The following NLRP8 variants were observed in gnomAD, a reference collection of about 807,000 sequenced individuals.
NLRP8 encodes NLR family pyrin domain containing 8, also known as NACHT, LRR and PYD domains-containing protein 8.
NLRP8 carries 86 observed loss-of-function variants against 88.7 expected under a neutral mutation model. The ratio of observed to expected loss-of-function variants is 0.97; its 90% CI spans 0.81 to 1.16. NLRP8 has a LOEUF of 1.16. Among genes scored for constraint, NLRP8 ranks in the 50% most tolerant of loss-of-function variants. The probability of loss-of-function intolerance (pLI) is 0.00; values close to 1 mark genes in which losing one functional copy is unlikely to be tolerated. For missense variants in NLRP8, 1,342 were observed against 1,286.5 expected (o/e 1.04, Z -0.66); for synonymous variants, 504 against 494.6 (o/e 1.02, Z -0.25).
rs306475 is a variant in NLRP8, at chr19:55,979,412, C to G, written c.2895C>G (p.Phe965Leu). 4.3e-6 allele frequency: 7 copies of G among 1,613,706 alleles called. No individual in the cohort carries two copies. The highest frequency in any genetic ancestry group is 3.3e-5 in the Admixed American group (2 of 60,008). The change falls in exon 9 of 10, where the codon TTC (phenylalanine) becomes TTG (leucine). Residue 965 changes from phenylalanine to leucine, a missense_variant. Coordinates refer to ENST00000291971, the MANE Select transcript of NLRP8 (RefSeq NM_176811.2). ...GTCACAGGCTGGAAAACTGCCTGTT[C>G]ACCTCCATCTGCTGCCAGGCCATGG... is the stretch of plus-strand genomic sequence containing the variant.
At chr19:55,953,792 CTTTTTTTTTTTTTT>C (rs35767678) in intron 2 of NLRP8, among the ~76,000 whole-genome samples, 3 of 55,222 alleles carry the variant, frequency 5.4e-5, no homozygotes, top group Non-Finnish European at 9.5e-5. Flanking sequence ...TGTGCCTGGC[CTTTTTTTTTTTTTT>C]TTTTTTTTTT....
chr19:55,955,977 A>G lies in NLRP8; in HGVS notation c.1919A>G (p.Lys640Arg), dbSNP rs148336031. 198 of 1,614,174 alleles carry G rather than the reference A, an allele frequency of 1.2e-4. No homozygotes were observed. The highest frequency in any genetic ancestry group is 1.6e-4 in the Middle Eastern group (1 of 6,062). Residue 640 changes from lysine to arginine, a missense_variant, in exon 3 of 10, where the codon AAA (lysine) becomes AGA (arginine). Lys to Arg is a conservative substitution (Grantham distance 26). Coordinates refer to ENST00000291971, the MANE Select transcript of NLRP8 (RefSeq NM_176811.2). The stretch of plus-strand genomic sequence containing the variant: ...GTTGTCTTGAGAATTGGCAACAACA[A>G]AGAAGTTCAAGTGTCTGCTTTTTGC...
chr19:55,953,866 A>C (rs1027590291), intron 2 of NLRP8, among the ~76,000 whole-genome samples: 1 of 140,480 alleles, frequency 7.1e-6, no homozygotes, highest in Non-Finnish European at 1.5e-5. Flanking sequence ...CAGTGGCGCA[A>C]TCTTGGCTCA....
At chr19:55,950,130 G>T (rs1402583416) in intron 1 of NLRP8, among the ~76,000 whole-genome samples, 1 of 151,956 alleles carries the variant, frequency 6.6e-6, no homozygotes, top group African/African-American at 2.4e-5. Flanking sequence ...ACACAGAGAG[G>T]CCAGGCACGG....
rs199475840 is a variant in NLRP8 at position 55,962,194 on chromosome 19, G to T, written c.2170G>T (p.Ala724Ser). The T allele has an allele frequency of 9.9e-6, 16 of 1,613,982 alleles. No individual in the cohort carries two copies. Among genetic ancestry groups the T allele is most frequent in the African/African-American group, 2.7e-5 (2 of 74,922 alleles). Reference sequence around the variant, plus strand: ...GGGGCCTCCTTTTTTGAAGGCTCTCGCGGCCGCACTGAGGCACCCTCAGTG... The same window carrying T: ...GGGGCCTCCTTTTTTGAAGGCTCTCTCGGCCGCACTGAGGCACCCTCAGTG... Residue 724 changes from alanine (A) to serine (S), a missense_variant, in exon 4 of 10, where the codon GCG becomes TCG. By Grantham distance (99) the Ala-to-Ser change is moderately conservative (BLOSUM62 1). Transcript: ENST00000291971.
At chr19:55,952,870 T>G (rs1319575903) in intron 2 of NLRP8, among the ~76,000 whole-genome samples, 1 of 151,858 alleles carries the variant, frequency 6.6e-6, no homozygotes, top group Non-Finnish European at 1.5e-5. Context: ...AGGGTTGCAG[T>G]GAGGTGAGAT....
At chr19:55,966,927 T>C (rs774660989) in intron 5 of NLRP8, among the ~76,000 whole-genome samples, 9 of 152,248 alleles carry the variant, frequency 5.9e-5, no homozygotes, top group Non-Finnish European at 1.3e-4. Context: ...TTTCTAACTT[T>C]TTATTTTAAT....
chr19:55,987,978 CA>C lies in NLRP8; in HGVS notation c.*66del. The C allele has an allele frequency of 8.0e-7, 1 of 1,257,700 alleles. No individual in the cohort carries two copies. Among genetic ancestry groups the C allele is most frequent in the Admixed American group, 1.7e-5 (1 of 58,790 alleles). The allele number at this position is 1,257,700 out of a possible 1,614,324, so 77.9% of individuals were successfully genotyped here. On this transcript the variant is annotated 3_prime_UTR_variant, in exon 10 of 10. Coordinates refer to ENST00000291971, the MANE Select transcript of NLRP8 (RefSeq NM_176811.2). ...TCCCACTCTGACAACTGGCAAATAC[CA>C]GGCGTTATCATCCTGTATGCATTAA...
intron 5 of NLRP8, among the ~76,000 whole-genome samples, chr19:55,968,141 TA>T (rs1385574030): frequency 6.6e-6 from 1 of 152,242 alleles, no homozygotes; most frequent in Non-Finnish European, 1.5e-5. Flanking sequence ...TTTAACCATT[TA>T]AAAATTTTTG....
At position 55,955,198 on chromosome 19, in the gene NLRP8, G is replaced by C; in HGVS notation, c.1140G>C (p.Leu380Phe). 1.2e-6 allele frequency: 2 copies of C among 1,614,156 alleles called. No individual in the cohort carries two copies. Among genetic ancestry groups the C allele is most frequent in the Middle Eastern group, 1.6e-4 (1 of 6,062 alleles). ...ACACAGAGGAGGGAGACCAAGTCTT[G>C]AGTTTCGCCATGGAAAACACCATTC... The change falls in exon 3 of 10, where the codon TTG becomes TTC. Residue 380 changes from leucine to phenylalanine, a missense_variant. Transcript: ENST00000291971.
At chr19:55,969,960 A>G (rs1218741635) in intron 5 of NLRP8, among the ~76,000 whole-genome samples, 1 of 152,174 alleles carries the variant, frequency 6.6e-6, no homozygotes, top group East Asian at 1.9e-4. Flanking sequence ...AACCTTCTCT[A>G]ACGTCACTGG....
At chr19:55,962,411 A>G (rs1979655473) in intron 4 of NLRP8, among the ~76,000 whole-genome samples, 174 bp downstream of exon 4, 1 of 152,086 alleles carries the variant, frequency 6.6e-6, no homozygotes, top group Admixed American at 6.6e-5. Flanking sequence ...GAAACCACAC[A>G]CGGGAGCCAG....
At chr19:55,980,061 T>G (rs951435802) in intron 9 of NLRP8, among the ~76,000 whole-genome samples, 3 of 152,208 alleles carry the variant, frequency 2.0e-5, no homozygotes, top group African/African-American at 7.2e-5. Context: ...AAAGGAACCA[T>G]TAACTGGGAT....
At chr19:55,985,682 T>A (rs1268631677) in intron 9 of NLRP8, among the ~76,000 whole-genome samples, 1 of 152,158 alleles carries the variant, frequency 6.6e-6, no homozygotes, top group African/African-American at 2.4e-5. Flanking sequence ...AGACCATAAA[T>A]TTTAAAATGC....
chr19:55,950,493 T>C (rs1283940845), intron 1 of NLRP8, among the ~76,000 whole-genome samples: 1 of 152,098 alleles, frequency 6.6e-6, no homozygotes, highest in Non-Finnish European at 1.5e-5. Context: ...GGATTCTGTA[T>C]TCGTGAATGT....
rs868230977 is a variant in NLRP8, at chr19:55,986,821, G to C, written c.3048-993G>C. Among the ~76,000 whole-genome samples, 3 of 152,064 alleles carry C rather than the reference G, an allele frequency of 2.0e-5. No homozygotes were observed. In the East Asian group the frequency reaches 5.8e-4, roughly 29 times the overall value. ...GCTCTTGGTGGTGAGGTGTGAAGCT[G>C]GTGAGTATTCCTCCTGTCTTGCTCT... On this transcript the variant is annotated intron_variant, in intron 9 of 9. Transcript: ENST00000291971.
intron 7 of NLRP8, 59 bp downstream of exon 7, chr19:55,973,881 G>T (rs1052592669): frequency 2.0e-4 from 300 of 1,493,960 alleles, no homozygotes; most frequent in Non-Finnish European, 2.6e-4. Context: ...GTGATGAAGA[G>T]AACCTGTTAT....
In NLRP8 at chr19:55,955,883, T is replaced by A. The variant is rs1468222180; in HGVS notation, c.1825T>A (p.Leu609Ile). ...TTCTCCGGGCAGTGGGGTCCCGCAG[T>A]TATTCTACTGTCTGCATGAAATCCG... The change falls in exon 3 of 10, where the codon TTA becomes ATA. Residue 609 changes from leucine (L) to isoleucine (I), a missense_variant. Leu to Ile is a conservative substitution (Grantham distance 5). Transcript: ENST00000291971. 1 of 1,614,170 alleles carries A rather than the reference T, an allele frequency of 6.2e-7. No individual in the cohort carries two copies. The highest frequency in any genetic ancestry group is 1.7e-5 in the Admixed American group (1 of 60,016).
At position 55,981,909 on chromosome 19, in the gene NLRP8, G is replaced by T. The variant is rs996226071; in HGVS notation, c.3047+2345G>T. Among the ~76,000 whole-genome samples the T allele has an allele frequency of 5.8e-3, 866 of 148,954 alleles. 7 individuals carry two copies. Among genetic ancestry groups the T allele is most frequent in the African/African-American group, 0.02 (807 of 40,384 alleles). ...TCCAGGTTGGTTTCTCTTGTTTTTTGTTTTTTTTTTTGAGATGGAGTCTCA... is the reference window on the plus strand; with the variant it reads ...TCCAGGTTGGTTTCTCTTGTTTTTTTTTTTTTTTTTTGAGATGGAGTCTCA... On this transcript the variant is annotated intron_variant, in intron 9 of 9. Coordinates refer to ENST00000291971, the MANE Select transcript of NLRP8 (RefSeq NM_176811.2).
Sources: allele counts gnomAD v4.1 joint callset (sites outside exome capture counted in the v4.1 genomes callset), GRCh38; gene constraint gnomAD v4.1.1; transcripts MANE v1.5; gene names NCBI Gene and HGNC (gene_info 2026-07-23, HGNC 2026-07-21).